FGGY: variants seen among roughly 807,000 people sequenced by gnomAD.
FGGY encodes the protein FGGY carbohydrate kinase domain-containing protein.
A neutral mutation model predicts 71.3 loss-of-function variants in FGGY; 72 were observed. That is an observed-to-expected ratio of 1.01 (90% CI 0.84 to 1.23). The LOEUF (loss-of-function observed/expected upper bound fraction) is 1.23. FGGY is among the 50% of genes most tolerant of loss of function. FGGY has a pLI of 0.00. For synonymous variants in FGGY, 251 were observed against 250.3 expected (o/e 1.00, Z -0.02); for missense variants, 668 against 682.3 (o/e 0.98, Z 0.23).
chr1:59,586,442 G>A (rs1408944927), intron 8 of FGGY, among the ~76,000 whole-genome samples: 5 of 152,098 alleles, frequency 3.3e-5, no homozygotes, highest in African/African-American at 4.8e-5. Flanking sequence ...TCACTCATAG[G>A]TGGGAATTGA....
In FGGY at chr1:59,431,547, C is replaced by T. The variant is rs558859963; in HGVS notation, c.555-25414C>T. Among the ~76,000 whole-genome samples, 144 of 152,242 alleles carry T rather than the reference C, an allele frequency of 9.5e-4. 1 individual carries two copies. Among genetic ancestry groups the T allele is most frequent in the Non-Finnish European group, 5.7e-4 (39 of 68,020 alleles). Reference sequence around the variant, plus strand: ...TTAGATTATTTGTTTATCTGATAGTCCGGACGTAGATGCTTTCCATGAGAT... The same window carrying T: ...TTAGATTATTTGTTTATCTGATAGTTCGGACGTAGATGCTTTCCATGAGAT... On this transcript the variant is annotated intron_variant, in intron 5 of 15. Transcript: ENST00000303721.
intron 14 of FGGY, among the ~76,000 whole-genome samples, chr1:59,699,658 A>G (rs1370122267): frequency 6.6e-6 from 1 of 152,262 alleles, no homozygotes; most frequent in East Asian, 1.9e-4. Flanking sequence ...ATAAAGAACT[A>G]GCTGAACTTG....
At chr1:59,551,490 G>A (rs535206689) in intron 7 of FGGY, among the ~76,000 whole-genome samples, 8 of 152,272 alleles carry the variant, frequency 5.3e-5, no homozygotes, top group Admixed American at 1.3e-4. Context: ...TTATGATACT[G>A]TGGAGCAGCG....
In FGGY at chr1:59,327,134, T is replaced by A. The variant is rs931916848; in HGVS notation, c.201+5384T>A. ...AATTTTTTTAAGTAAGGCAATTTTT[T>A]AAGTAAGGTTTGCTGCACTGATTGA... On this transcript the variant is annotated intron_variant, in intron 2 of 15. Coordinates refer to ENST00000303721, the MANE Select transcript of FGGY (RefSeq NM_018291.5). Among the ~76,000 whole-genome samples the A allele has an allele frequency of 5.3e-5, 8 of 152,146 alleles. No individual in the cohort carries two copies. In the East Asian group the frequency reaches 1.3e-3, roughly 26 times the overall value.
At chr1:59,659,243 A>C (rs2153956102) in intron 11 of FGGY, among the ~76,000 whole-genome samples, 1 of 152,250 alleles carries the variant, frequency 6.6e-6, no homozygotes, top group African/African-American at 2.4e-5. Context: ...TGGGTAACTG[A>C]ATGGTGCCTG....
chr1:59,722,049 C>A (rs933571760), intron 14 of FGGY, among the ~76,000 whole-genome samples: 2 of 152,206 alleles, frequency 1.3e-5, no homozygotes, highest in Non-Finnish European at 2.9e-5. Context: ...TTCCAGGACA[C>A]CACGTTACAT....
intron 6 of FGGY, among the ~76,000 whole-genome samples, chr1:59,489,261 G>A (rs1379555274): frequency 6.6e-6 from 1 of 151,988 alleles, no homozygotes; most frequent in East Asian, 1.9e-4. Flanking sequence ...TATTTGAAAG[G>A]ATATATTATT....
chr1:59,485,585 TG>T (rs1183528730), intron 6 of FGGY, among the ~76,000 whole-genome samples: 2 of 148,288 alleles, frequency 1.3e-5, no homozygotes, highest in African/African-American at 5.3e-5. Flanking sequence ...TATTTGTTTT[TG>T]CTGTTGTTTT....
upstream of FGGY, among the ~76,000 whole-genome samples, chr1:59,296,486 C>A (rs2041979879): frequency 6.6e-6 from 1 of 152,260 alleles, no homozygotes; most frequent in African/African-American, 2.4e-5. Context: ...CGGGAACTCG[C>A]AGCCTGAGCA....
intron 9 of FGGY, among the ~76,000 whole-genome samples, chr1:59,612,196 A>G (rs1405371151): frequency 6.6e-6 from 1 of 152,228 alleles, no homozygotes; most frequent in African/African-American, 2.4e-5. Flanking sequence ...CATAATTGTC[A>G]GATTCACCAA....
chr1:59,759,890 C>T (rs1220094651), intron 15 of FGGY, among the ~76,000 whole-genome samples: 1 of 152,246 alleles, frequency 6.6e-6, no homozygotes, highest in Non-Finnish European at 1.5e-5. Context: ...TTTAGGATGA[C>T]CCCAAATTGC....
At chr1:59,755,676 G>T (rs1335799803) in intron 14 of FGGY, 1 of 152,218 alleles carries the variant, frequency 6.6e-6, no homozygotes, top group Non-Finnish European at 1.5e-5. Flanking sequence ...AGGTAATGTG[G>T]AGAAAGGAGG....
At position 59,345,654 on chromosome 1, in the gene FGGY, T is replaced by C. The variant is rs1369108728; in HGVS notation, c.314-593T>C. 3.9e-5 allele frequency among the ~76,000 whole-genome samples: 6 copies of C among 151,970 alleles called. No individual in the cohort carries two copies. In the East Asian group the frequency reaches 1.2e-3, roughly 29 times the overall value. ...TTCATCTGTAACTAGCATTCCCTGT[T>C]AGATCTGCCTAATTCCAAAACCCAT... On this transcript the variant is annotated intron_variant, in intron 3 of 15. Transcript: ENST00000303721.
chr1:59,707,147 C>T (rs893416721), intron 14 of FGGY, among the ~76,000 whole-genome samples: 3 of 152,158 alleles, frequency 2.0e-5, no homozygotes, highest in African/African-American at 4.8e-5. Flanking sequence ...GGATGTCCAT[C>T]AGGATTTATC....
chr1:59,670,953 C>G (rs2097372180), intron 13 of FGGY, among the ~76,000 whole-genome samples: 1 of 152,166 alleles, frequency 6.6e-6, no homozygotes, highest in Non-Finnish European at 1.5e-5. Flanking sequence ...GTTCCTTCTT[C>G]TAAGTTTTAT....
intron 10 of FGGY, among the ~76,000 whole-genome samples, chr1:59,633,360 T>G (rs1321917709): frequency 6.6e-6 from 1 of 152,176 alleles, no homozygotes; most frequent in Admixed American, 6.5e-5. Context: ...AAGAAAGTGC[T>G]CAGGGCATTG....
intron 14 of FGGY, among the ~76,000 whole-genome samples, chr1:59,717,393 C>A (rs1391531879): frequency 6.6e-6 from 1 of 152,164 alleles, no homozygotes; most frequent in Non-Finnish European, 1.5e-5. Flanking sequence ...CTGGACCACT[C>A]TGATACTGCC....
intron 6 of FGGY, among the ~76,000 whole-genome samples, chr1:59,458,584 G>A (rs7529551): frequency 0.37 from 56,285 of 151,994 alleles, 11,275 homozygotes; most frequent in Middle Eastern, 0.52. Flanking sequence ...CTCTGCTAAC[G>A]TAGCAGTATC....
At chr1:59,420,104 A>G (rs1352880020) in intron 5 of FGGY, among the ~76,000 whole-genome samples, 1 of 152,198 alleles carries the variant, frequency 6.6e-6, no homozygotes, top group Non-Finnish European at 1.5e-5. Context: ...TATGAAATGT[A>G]AATTTGTTAT....
Sources: gnomAD v4.1 joint callset for allele counts (sites outside exome capture counted in the v4.1 genomes callset) on GRCh38, gnomAD v4.1.1 for gene constraint, MANE v1.5 for transcripts, NCBI Gene and HGNC (gene_info 2026-07-23, HGNC 2026-07-21) for gene names.